MAGI1: variants seen among roughly 807,000 people sequenced by gnomAD.
MAGI1 encodes membrane associated guanylate kinase, WW and PDZ domain containing 1, also known as membrane-associated guanylate kinase, WW and PDZ domain-containing protein 1.
Under a neutral mutation model 139.9 loss-of-function variants are expected in MAGI1, and 58 were observed. The ratio of observed to expected loss-of-function variants is 0.41; its 90% CI spans 0.34 to 0.52. The LOEUF (loss-of-function observed/expected upper bound fraction) is 0.52. MAGI1 is among the 20% of genes least tolerant of loss of function. The pLI is 0.12. For missense variants in MAGI1, 1,874 were observed against 1,901.6 expected, an observed-to-expected ratio of 0.99 and a Z score of 0.27; for synonymous variants, 812 against 737.9, an observed-to-expected ratio of 1.10 and a Z score of -1.63.
chr3:65,950,642 A>G (rs1200766746), intron 1 of MAGI1, among the ~76,000 whole-genome samples: 4 of 152,236 alleles, frequency 2.6e-5, no homozygotes, highest in African/African-American at 9.6e-5. Context: ...AGGAAAAAAA[A>G]TTATCATCTT....
chr3:65,379,003 T>G (rs1942809896), intron 17 of MAGI1, among the ~76,000 whole-genome samples: 1 of 152,118 alleles, frequency 6.6e-6, no homozygotes, highest in Non-Finnish European at 1.5e-5. Flanking sequence ...TTCACGCAAA[T>G]CTGATGTATG....
chr3:65,676,668 G>A (rs1011120508), intron 1 of MAGI1, among the ~76,000 whole-genome samples: 2 of 152,162 alleles, frequency 1.3e-5, no homozygotes. Flanking sequence ...CCGGTCAATT[G>A]TTACACAAGC....
chr3:65,438,248 C>A (rs1947985389), intron 9 of MAGI1, among the ~76,000 whole-genome samples: 1 of 152,068 alleles, frequency 6.6e-6, no homozygotes, highest in Non-Finnish European at 1.5e-5. Flanking sequence ...GAACTAGAGA[C>A]CATTACCTTA....
chr3:65,792,058 T>TA (rs201257215), intron 1 of MAGI1, among the ~76,000 whole-genome samples: 4,884 of 152,052 alleles, frequency 0.032, 95 homozygotes, highest in Non-Finnish European at 0.043. Flanking sequence ...ATACTTCTGA[T>TA]AAAAAAATCA....
At chr3:65,825,864 T>G (rs907212377) in intron 1 of MAGI1, among the ~76,000 whole-genome samples, 1 of 152,094 alleles carries the variant, frequency 6.6e-6, no homozygotes, top group African/African-American at 2.4e-5. Flanking sequence ...GGTGCATGCC[T>G]GTAGTCCCAG....
At chr3:65,974,370 G>A (rs2065156591) in intron 1 of MAGI1, among the ~76,000 whole-genome samples, 3 of 114,646 alleles carry the variant, frequency 2.6e-5, no homozygotes, top group East Asian at 3.4e-4. Flanking sequence ...TGGATGGGTG[G>A]GCGGGTGGGC....
intron 1 of MAGI1, among the ~76,000 whole-genome samples, chr3:65,773,805 T>A (rs2038152210): frequency 6.6e-6 from 1 of 152,222 alleles, no homozygotes; most frequent in African/African-American, 2.4e-5. Context: ...TATGCCTTAA[T>A]CATACTTGAG....
intron 1 of MAGI1, among the ~76,000 whole-genome samples, chr3:65,899,979 T>C (rs2061151291): frequency 6.6e-6 from 1 of 152,156 alleles, no homozygotes; most frequent in Non-Finnish European, 1.5e-5. Context: ...TTTTCACATA[T>C]CTTGCAGTTA....
chr3:65,936,429 G>T (rs185462932), intron 1 of MAGI1, among the ~76,000 whole-genome samples: 4 of 152,192 alleles, frequency 2.6e-5, no homozygotes, highest in Admixed American at 6.5e-5. Flanking sequence ...CCTGAGGGCA[G>T]GAGTTCGAGA....
At chr3:65,903,667 T>C (rs114402943) in intron 1 of MAGI1, among the ~76,000 whole-genome samples, 1 of 152,292 alleles carries the variant, frequency 6.6e-6, no homozygotes, top group African/African-American at 2.4e-5. Flanking sequence ...CTTGATTTAC[T>C]CAAACTTCCT....
intron 1 of MAGI1, among the ~76,000 whole-genome samples, chr3:66,008,574 G>A (rs1034326339): frequency 1.3e-5 from 2 of 152,194 alleles, no homozygotes; most frequent in Non-Finnish European, 2.9e-5. Flanking sequence ...GGCAAGTGCT[G>A]CAAAAGGGAA....
chr3:65,829,940 A>G (rs757414585), intron 1 of MAGI1, among the ~76,000 whole-genome samples: 3 of 152,186 alleles, frequency 2.0e-5, no homozygotes, highest in Non-Finnish European at 2.9e-5. Context: ...TCTCCCTCCA[A>G]TTCTACTTTG....
chr3:65,948,134 G>C (rs1440527478), intron 1 of MAGI1, among the ~76,000 whole-genome samples: 1 of 151,226 alleles, frequency 6.6e-6, no homozygotes, highest in African/African-American at 2.4e-5. Flanking sequence ...AGTAGAGACG[G>C]GGTTTCACCA....
At chr3:65,691,302 C>CA (rs752329892) in intron 1 of MAGI1, among the ~76,000 whole-genome samples, 1,098 of 74,636 alleles carry the variant, frequency 0.015, 35 homozygotes, top group Non-Finnish European at 0.022. Context: ...GACTCCGTCT[C>CA]AAAAAAAAAA....
chr3:65,496,679 G>A (rs752451677), intron 2 of MAGI1, among the ~76,000 whole-genome samples: 1 of 152,160 alleles, frequency 6.6e-6, no homozygotes, highest in South Asian at 2.1e-4. Context: ...GAGCATCAGG[G>A]GGATGGAGAT....
chr3:65,414,677 C>T (rs1459450202), intron 12 of MAGI1, among the ~76,000 whole-genome samples: 2 of 152,034 alleles, frequency 1.3e-5, no homozygotes, highest in Non-Finnish European at 2.9e-5. Flanking sequence ...GTTGCCAATT[C>T]TTTCTTTTGT....
chr3:65,768,108 A>T (rs2037639422), intron 1 of MAGI1, among the ~76,000 whole-genome samples: 1 of 152,192 alleles, frequency 6.6e-6, no homozygotes, highest in Admixed American at 6.5e-5. Flanking sequence ...GCAACCCTTT[A>T]CACAAGTTGC....
chr3:65,702,992 T>C (rs73832921), intron 1 of MAGI1, among the ~76,000 whole-genome samples: 1,811 of 151,954 alleles, frequency 0.012, 35 homozygotes, highest in African/African-American at 0.042. Flanking sequence ...CCCACCTTCA[T>C]AGAATACTTG....
intron 2 of MAGI1, among the ~76,000 whole-genome samples, chr3:65,590,306 T>A (rs2081911780): frequency 6.6e-6 from 1 of 152,214 alleles, no homozygotes; most frequent in Non-Finnish European, 1.5e-5. Flanking sequence ...CATCTTTGTA[T>A]CTTTAACACC....
Sources: allele counts gnomAD v4.1 joint callset (sites outside exome capture counted in the v4.1 genomes callset), GRCh38; gene constraint gnomAD v4.1.1; transcripts MANE v1.5; gene names NCBI Gene and HGNC (gene_info 2026-07-23, HGNC 2026-07-21).